ACOXL: variants seen among roughly 807,000 people sequenced by gnomAD.
ACOXL encodes acyl-CoA oxidase like.
In ACOXL, 70 loss-of-function variants were observed where a neutral mutation model predicts 71.9. That is an observed-to-expected ratio of 0.97 (90% confidence interval 0.80 to 1.19). ACOXL has a LOEUF of 1.19. ACOXL is among the 50% of genes most tolerant of loss of function. The probability of loss-of-function intolerance (pLI) is 0.00; values close to 1 mark genes in which losing one functional copy is unlikely to be tolerated. For synonymous variants in ACOXL, 253 were observed against 281.6 expected, an observed-to-expected ratio of 0.90 and a Z score of 1.02; for missense variants, 703 against 736.3, an observed-to-expected ratio of 0.95 and a Z score of 0.52.
chr2:111,017,622 C>T (rs768245583), intron 14 of ACOXL, among the ~76,000 whole-genome samples: 4 of 152,188 alleles, frequency 2.6e-5, no homozygotes, highest in South Asian at 4.1e-4. Flanking sequence ...GATTCATCCC[C>T]GTCAACGCCT....
At chr2:110,764,045 AAATGCTGACAACAAG>A (rs1159548078) in intron 1 of ACOXL, among the ~76,000 whole-genome samples, 16 of 152,240 alleles carry the variant, frequency 1.1e-4, no homozygotes, top group Non-Finnish European at 2.1e-4. Context: ...TGACAACACT[AAATGCTGACAACAAG>A]AAGTTTTATT....
intron 6 of ACOXL, 33 bp from the exon 7 acceptor site, chr2:110,798,981 A>C: frequency 1.9e-6 from 3 of 1,594,762 alleles, no homozygotes; most frequent in Non-Finnish European, 2.6e-6. Flanking sequence ...TATAGGAAGG[A>C]GAGCTTAATA....
chr2:110,853,105 G>A (rs1266144465), intron 10 of ACOXL, among the ~76,000 whole-genome samples: 1 of 152,146 alleles, frequency 6.6e-6, no homozygotes, highest in Non-Finnish European at 1.5e-5. Flanking sequence ...CCTCGGGCGG[G>A]GTGGTCCATC....
intron 2 of ACOXL, among the ~76,000 whole-genome samples, chr2:110,769,696 G>T (rs1048803749): frequency 2.0e-5 from 3 of 150,932 alleles, no homozygotes; most frequent in African/African-American, 7.4e-5. Flanking sequence ...TTAGCCAGGT[G>T]TGGTGGTGCA....
At chr2:111,111,788 TAATAAC>T (rs2069983614) in intron 17 of ACOXL, among the ~76,000 whole-genome samples, 2 of 152,200 alleles carry the variant, frequency 1.3e-5, no homozygotes, top group Non-Finnish European at 2.9e-5. Flanking sequence ...GAACCCATGA[TAATAAC>T]AATAATATTT....
intron 17 of ACOXL, 89 bp downstream of exon 17, chr2:111,093,055 A>C: frequency 9.5e-7 from 1 of 1,047,390 alleles, no homozygotes; most frequent in South Asian, 1.5e-5. Context: ...ATCTTCTATC[A>C]GTTTCCACTC....
At chr2:110,861,892 C>G (rs1375633699) in intron 10 of ACOXL, among the ~76,000 whole-genome samples, 1 of 152,146 alleles carries the variant, frequency 6.6e-6, no homozygotes, top group African/African-American at 2.4e-5. Flanking sequence ...CCGGGTGACC[C>G]CCGCAGAATT....
rs148602789 is a variant in ACOXL, at chr2:110,846,641, G to GCGCGCGCGCACA, written c.788+5237_788+5238insGCGCGCGCACAC. The stretch of plus-strand genomic sequence containing the variant: ...TGTGAGCATGCAAGTATGCATACAC[G>GCGCGCGCGCACA]CACACACACACACACACACACACAC... On this transcript the variant is annotated intron_variant, in intron 10 of 17. Coordinates refer to ENST00000439055, the MANE Select transcript of ACOXL (RefSeq NM_001142807.4). Among the ~76,000 whole-genome samples, 5 of 138,034 alleles carry GCGCGCGCGCACA rather than the reference G, an allele frequency of 3.6e-5. No individual in the cohort carries two copies. In the South Asian group the frequency reaches 1.3e-3, roughly 36 times the overall value. 90.6% of individuals were successfully genotyped at this position (138,034 alleles called of 152,430 possible).
rs868486709 is a variant in ACOXL at position 110,858,327 on chromosome 2, G to A, written c.788+16922G>A. Among the ~76,000 whole-genome samples the A allele has an allele frequency of 7.2e-5, 11 of 152,168 alleles. No homozygotes were observed. The South Asian group carries it at 8.3e-4, about 11-fold the overall frequency. On this transcript the variant is annotated intron_variant, in intron 10 of 17. Coordinates refer to ENST00000439055, the MANE Select transcript of ACOXL (RefSeq NM_001142807.4). ...CAGGTGTCCTGGGAAGTCCGGGTGG[G>A]GAACAGGGGATCCTTCCTACTCCCC... is the stretch of plus-strand genomic sequence containing the variant.
intron 15 of ACOXL, among the ~76,000 whole-genome samples, chr2:111,048,421 A>G (rs1438692542): frequency 6.6e-6 from 1 of 152,242 alleles, no homozygotes; most frequent in East Asian, 1.9e-4. Flanking sequence ...AAGTGGTTTT[A>G]AATCTGAGGG....
chr2:110,903,330 G>A (rs1036454166), intron 10 of ACOXL, among the ~76,000 whole-genome samples: 11 of 152,180 alleles, frequency 7.2e-5, no homozygotes, highest in Admixed American at 5.2e-4. Flanking sequence ...AAGCAGCCGC[G>A]TTCAAAATTG....
intron 8 of ACOXL, among the ~76,000 whole-genome samples, chr2:110,804,176 G>A (rs1465729889): frequency 2.0e-5 from 3 of 151,892 alleles, no homozygotes; most frequent in Non-Finnish European, 4.4e-5. Flanking sequence ...TAGTAGAGAT[G>A]GGGTTTTGCC....
chr2:110,909,868 G>A (rs1232993712), intron 11 of ACOXL, among the ~76,000 whole-genome samples: 1 of 151,720 alleles, frequency 6.6e-6, no homozygotes, highest in Non-Finnish European at 1.5e-5. Context: ...CAAGGACACT[G>A]AACCCTGCAG....
intron 15 of ACOXL, 65 bp downstream of exon 15, chr2:111,031,779 A>T (rs2065283017): frequency 1.3e-6 from 2 of 1,482,258 alleles, no homozygotes; most frequent in Non-Finnish European, 1.9e-6. Context: ...CCCTGGAGAC[A>T]CAGCTCTGCA....
intron 17 of ACOXL, among the ~76,000 whole-genome samples, chr2:111,109,394 A>T (rs1247014473): frequency 6.6e-6 from 1 of 152,140 alleles, no homozygotes; most frequent in African/African-American, 2.4e-5. Flanking sequence ...TTCCAATGGC[A>T]TGTATGTTGG....
At chr2:110,785,915 A>G (rs1465770478) in intron 3 of ACOXL, among the ~76,000 whole-genome samples, 1 of 152,236 alleles carries the variant, frequency 6.6e-6, no homozygotes, top group Non-Finnish European at 1.5e-5. Context: ...GTGGACCCAT[A>G]TCCTCTTCCA....
intron 1 of ACOXL, among the ~76,000 whole-genome samples, chr2:110,764,807 G>A (rs1263497516): frequency 4.6e-5 from 7 of 152,136 alleles, no homozygotes; most frequent in Non-Finnish European, 1.0e-4. Context: ...GCCTAAAACT[G>A]CTCTAAAAAA....
At chr2:110,831,770 A>G (rs1689857258) in intron 9 of ACOXL, among the ~76,000 whole-genome samples, 1 of 152,162 alleles carries the variant, frequency 6.6e-6, no homozygotes, top group Non-Finnish European at 1.5e-5. Flanking sequence ...CCAGAAATAG[A>G]ACCAAACCAA....
intron 12 of ACOXL, chr2:110,967,938 C>T: frequency 1.1e-6 from 1 of 944,670 alleles, no homozygotes. Flanking sequence ...CTCGGAAATA[C>T]TTGGAGATAC....
Sources: allele counts gnomAD v4.1 joint callset (sites outside exome capture counted in the v4.1 genomes callset), GRCh38; gene constraint gnomAD v4.1.1; transcripts MANE v1.5; gene names NCBI Gene and HGNC (gene_info 2026-07-23, HGNC 2026-07-21).